Variants in MYO10 observed in about 807,000 individuals in gnomAD.
MYO10 encodes myosin X.
A neutral mutation model predicts 257.3 loss-of-function variants in MYO10; 133 were observed. The ratio of observed to expected loss-of-function variants is 0.52; its 90% CI spans 0.45 to 0.60. MYO10 has a LOEUF of 0.60. Ranked by LOEUF, MYO10 falls within the 20% of genes least tolerant of loss-of-function variation. The pLI, the probability that MYO10 is intolerant of heterozygous loss-of-function variation, is 0.00. For missense variants in MYO10, 2,399 were observed against 2,635.7 expected, an observed-to-expected ratio of 0.91 and a Z score of 1.97; for synonymous variants, 1,104 against 1,028.6, an observed-to-expected ratio of 1.07 and a Z score of -1.40.
At chr5:16,699,239 AC>A (rs1242231219) in intron 26 of MYO10, among the ~76,000 whole-genome samples, 1 of 152,124 alleles carries the variant, frequency 6.6e-6, no homozygotes, top group East Asian at 1.9e-4. Context: ...GGACCACAGC[AC>A]CCATGTCACA....
chr5:16,762,281 A>G (rs1199901137), intron 15 of MYO10, among the ~76,000 whole-genome samples, 168 bp from the exon 16 acceptor site: 6 of 152,200 alleles, frequency 3.9e-5, no homozygotes, highest in South Asian at 2.1e-4. Context: ...TATAAAAACC[A>G]TGTTAACTCT....
chr5:16,910,547 G>A (rs1745632614), intron 1 of MYO10, among the ~76,000 whole-genome samples: 1 of 152,180 alleles, frequency 6.6e-6, no homozygotes, highest in Admixed American at 6.6e-5. Flanking sequence ...CACTAAAGGG[G>A]CTCTCAGATA....
At chr5:16,744,587 T>C (rs1306201224) in intron 19 of MYO10, among the ~76,000 whole-genome samples, 1 of 152,098 alleles carries the variant, frequency 6.6e-6, no homozygotes, top group African/African-American at 2.4e-5. Context: ...GTGCCCTTGG[T>C]GCAGGACATG....
rs367760913 is a variant in MYO10 at position 16,868,354 on chromosome 5, C to T, written c.120+9255G>A. On this transcript the variant is annotated intron_variant, in intron 2 of 40. Transcript: ENST00000513610. ...GCACGGTGGCTCATGTCTGTAATCC[C>T]AGCACTTTGGGAGGCCAAGGCAGGC... Among the ~76,000 whole-genome samples the T allele has an allele frequency of 3.3e-5, 5 of 152,126 alleles. No individual in the cohort carries two copies. In the East Asian group the frequency reaches 7.7e-4, roughly 23 times the overall value.
chr5:16,853,618 C>T (rs1367518283), intron 2 of MYO10, among the ~76,000 whole-genome samples: 1 of 152,176 alleles, frequency 6.6e-6, no homozygotes, highest in Admixed American at 6.5e-5. Context: ...TCTGGCATTA[C>T]TCTTTTCCCA....
chr5:16,666,868 A>C lies in MYO10; in HGVS notation c.6076-75T>G. On this transcript the variant is annotated intron_variant, in intron 40 of 40. Transcript: ENST00000513610. ...CAAAGGGCCCTGCCTAATAATCCAG[A>C]CATTCCCTGGGCACCCTCCCGTAGC... 4 of 1,232,012 alleles carry C rather than the reference A, an allele frequency of 3.2e-6. No individual in the cohort carries two copies. In the South Asian group the frequency reaches 5.3e-5, roughly 16 times the overall value. The allele number at this position is 1,232,012 out of a possible 1,614,324, so 76.3% of individuals were successfully genotyped here.
At chr5:16,699,630 A>C in intron 25 of MYO10, 57 bp from the exon 26 acceptor site, 1 of 1,606,008 alleles carries the variant, frequency 6.2e-7, no homozygotes. Context: ...CAAGCCACGA[A>C]GATACCCAGC....
At chr5:16,830,679 G>GCACACACACACACACT (rs1554000808) in intron 2 of MYO10, among the ~76,000 whole-genome samples, 7 of 149,024 alleles carry the variant, frequency 4.7e-5, no homozygotes, top group Non-Finnish European at 7.4e-5. Context: ...TTTTTAATAG[G>GCACACACACACACACT]CACACACACA....
At chr5:16,830,679 G>GCACACACACACACTCACACA (rs1554000806) in intron 2 of MYO10, among the ~76,000 whole-genome samples, 9 of 148,920 alleles carry the variant, frequency 6.0e-5, no homozygotes, top group African/African-American at 2.2e-4. Context: ...TTTTTAATAG[G>GCACACACACACACTCACACA]CACACACACA....
intron 3 of MYO10, among the ~76,000 whole-genome samples, chr5:16,805,637 G>A (rs1365947666): frequency 2.6e-5 from 4 of 152,152 alleles, no homozygotes; most frequent in East Asian, 1.9e-4. Flanking sequence ...TCCCAAACAC[G>A]AGGTGGGGCC....
At chr5:16,718,641 A>G (rs1579899461) in intron 19 of MYO10, among the ~76,000 whole-genome samples, 2 of 152,022 alleles carry the variant, frequency 1.3e-5, no homozygotes, top group East Asian at 3.9e-4. Flanking sequence ...ACCAATCAGC[A>G]CCCTGTGTTT....
chr5:16,769,037 C>CA, intron 10 of MYO10, 37 bp downstream of exon 10: 1 of 1,570,882 alleles, frequency 6.4e-7, no homozygotes, highest in Non-Finnish European at 8.6e-7. Flanking sequence ...CCACGGGGAA[C>CA]AAAGGGAGCG....
chr5:16,767,927 C>G (rs997600507), intron 10 of MYO10, among the ~76,000 whole-genome samples: 1 of 152,150 alleles, frequency 6.6e-6, no homozygotes, highest in Admixed American at 6.5e-5. Context: ...ATCCACCTGC[C>G]TCATCCTCCC....
chr5:16,684,477 C>A (rs1737152170), intron 29 of MYO10, among the ~76,000 whole-genome samples: 1 of 152,184 alleles, frequency 6.6e-6, no homozygotes, highest in South Asian at 2.1e-4. Flanking sequence ...CTGGCGGCCT[C>A]AAGTGATCCA....
intron 2 of MYO10, among the ~76,000 whole-genome samples, chr5:16,845,581 G>A (rs1478954503): frequency 6.6e-6 from 1 of 152,054 alleles, no homozygotes; most frequent in Non-Finnish European, 1.5e-5. Context: ...CAGGAGGATT[G>A]CTTGAGCCCA....
intron 1 of MYO10, among the ~76,000 whole-genome samples, chr5:16,892,543 T>G (rs2562344): frequency 0.37 from 55,587 of 151,902 alleles, 10,299 homozygotes; most frequent in Admixed American, 0.44. Flanking sequence ...CTTGGAAGGT[T>G]GAGGTGAGAG....
At chr5:16,805,453 C>T (rs1351029821) in intron 3 of MYO10, among the ~76,000 whole-genome samples, 2 of 95,236 alleles carry the variant, frequency 2.1e-5, no homozygotes, top group African/African-American at 4.5e-5. Context: ...AGTGAGACTC[C>T]ATCTCAAAAA....
rs375118639 is a variant in MYO10, at chr5:16,883,911, C to T, written c.22-6204G>A. 2.3e-3 allele frequency among the ~76,000 whole-genome samples: 344 copies of T among 152,266 alleles called. 1 individual carries two copies. The highest frequency in any genetic ancestry group is 0.012 in the South Asian group (57 of 4,820). On this transcript the variant is annotated intron_variant, in intron 1 of 40. Coordinates refer to ENST00000513610, the MANE Select transcript of MYO10 (RefSeq NM_012334.3). Reference sequence around the variant, plus strand: ...ACAGCATGTTCTAATTACAGGTTCACGAAAAAGAGAACATTCTTTAGCCAA... The same window carrying T: ...ACAGCATGTTCTAATTACAGGTTCATGAAAAAGAGAACATTCTTTAGCCAA...
chr5:16,670,445 T>A, intron 39 of MYO10, 81 bp downstream of exon 39: 1 of 1,284,806 alleles, frequency 7.8e-7, no homozygotes, highest in Non-Finnish European at 1.1e-6. Context: ...TCTTGTCTTC[T>A]CTCCACATGA....
Sources: allele counts gnomAD v4.1 joint callset (sites outside exome capture counted in the v4.1 genomes callset), GRCh38; gene constraint gnomAD v4.1.1; transcripts MANE v1.5; gene names NCBI Gene and HGNC (gene_info 2026-07-23, HGNC 2026-07-21).